KREMEN1: variants seen among roughly 807,000 people sequenced by gnomAD.
KREMEN1 encodes the protein kringle containing transmembrane protein 1.
A neutral mutation model predicts 46.5 loss-of-function variants in KREMEN1; 30 were observed. That is an observed-to-expected ratio of 0.65 (90% confidence interval 0.48 to 0.88). The LOEUF (loss-of-function observed/expected upper bound fraction) is 0.88, where lower values mean the gene tolerates loss of function less well. Ranked by LOEUF, KREMEN1 falls within the 40% of genes least tolerant of loss-of-function variation. KREMEN1 has a pLI of 0.00. For missense variants in KREMEN1, 533 were observed against 596.9 expected, an observed-to-expected ratio of 0.89 and a Z score of 1.11; for synonymous variants, 214 against 230.6, an observed-to-expected ratio of 0.93 and a Z score of 0.65.
At chr22:29,120,329 TGGAAACAGGGAGGAGGGAGAGGTGATGAA>T (rs2145810700) in intron 3 of KREMEN1, among the ~76,000 whole-genome samples, 1 of 57,968 alleles carries the variant, frequency 1.7e-5, no homozygotes, top group South Asian at 4.3e-4. Flanking sequence ...GAGGTGATGA[TGGAAACAGGGAGGAGGGAGAGGTGATGAA>T]GGAAATGGAG....
At chr22:29,162,011 G>A (rs559852451) in intron 9 of KREMEN1, among the ~76,000 whole-genome samples, 22 of 151,894 alleles carry the variant, frequency 1.4e-4, no homozygotes, top group Non-Finnish European at 2.8e-4. Flanking sequence ...CCAGCTCCTC[G>A]GGAGGCTGAG....
In KREMEN1 at chr22:29,094,293, A is replaced by G; in HGVS notation, c.133A>G (p.Thr45Ala). The G allele has an allele frequency of 1.2e-6, 2 of 1,613,826 alleles. No individual in the cohort carries two copies. Among genetic ancestry groups the G allele is most frequent in the Non-Finnish European group, 1.7e-6 (2 of 1,179,878 alleles). Residue 45 changes from threonine to alanine, a missense_variant, in exon 2 of 9, where the codon ACA (threonine) becomes GCA (alanine). Thr to Ala is a moderately conservative substitution (Grantham distance 58). Transcript: ENST00000400335. The part of the protein sequence containing the change: ...FTANGADYRG[T>A]QNWTALQGGK... Reference sequence around the variant, plus strand: ...AGCCAATGGTGCGGATTATAGGGGAACACAGAACTGGACAGCACTACAAGG... The same window carrying G: ...AGCCAATGGTGCGGATTATAGGGGAGCACAGAACTGGACAGCACTACAAGG...
intron 3 of KREMEN1, among the ~76,000 whole-genome samples, chr22:29,119,284 G>T (rs950422157): frequency 1.1e-4 from 17 of 152,228 alleles, no homozygotes; most frequent in Admixed American, 1.1e-3. Context: ...AGGAGCTTCT[G>T]TTCTTGTGGA....
In KREMEN1 at chr22:29,073,136, G is replaced by A. The variant is rs1390105202; in HGVS notation, c.6G>A (p.Ala2=). Residue 2 remains alanine (A), a synonymous_variant, in exon 1 of 9, where the codon GCG becomes GCA. Transcript: ENST00000400335. This position sits in a 1 kb window ranked among gnomAD's most constrained non-coding sequence, Gnocchi z 4.4. ...GGGCCCCGCACTGACGGCCCATGGC[G>A]CCGCCAGCCGCCCGCCTCGCCCTGC... M[A]PPAARLALLS... 1.9e-6 allele frequency: 2 copies of A among 1,074,784 alleles called. No homozygotes were observed. The highest frequency in any genetic ancestry group is 3.9e-5 in the South Asian group (1 of 25,696). 66.6% of individuals were successfully genotyped at this position (1,074,784 alleles called of 1,614,324 possible). A position where few individuals can be genotyped will look rare whatever the true frequency, so the allele number is the denominator to read the frequency against.
Position 29,145,224 on chromosome 22 carries a change from T to G in KREMEN1, c.*3112T>G. 3 of 985,622 alleles carry G rather than the reference T, an allele frequency of 3.0e-6. No homozygotes were observed. Among genetic ancestry groups the G allele is most frequent in the Non-Finnish European group, 3.6e-6 (3 of 830,024 alleles). The allele number at this position is 985,622 out of a possible 1,614,324, so 61.1% of individuals were successfully genotyped here. A position where few individuals can be genotyped will look rare whatever the true frequency, so the allele number is the denominator to read the frequency against. ...AGCATGGAGGAGGTGGCACTTGAAC[T>G]TTTAGGAAACTCCTTAGATGAGATA... On this transcript the variant is annotated 3_prime_UTR_variant, in exon 9 of 9. Coordinates refer to ENST00000400335, the MANE Select transcript of KREMEN1 (RefSeq NM_001039570.3).
At position 29,073,081 on chromosome 22, in the gene KREMEN1, G is replaced by A. The variant is rs2037494547; in HGVS notation, c.-50G>A. 3.7e-6 allele frequency: 2 copies of A among 540,526 alleles called. No individual in the cohort carries two copies. Among genetic ancestry groups the A allele is most frequent in the Non-Finnish European group, 4.7e-6 (2 of 423,774 alleles). The allele number at this position is 540,526 out of a possible 1,614,324, so 33.5% of individuals were successfully genotyped here. On this transcript the variant is annotated 5_prime_UTR_variant, in exon 1 of 9. Coordinates refer to ENST00000400335, the MANE Select transcript of KREMEN1 (RefSeq NM_001039570.3). This position sits in a 1 kb window ranked among gnomAD's most constrained non-coding sequence, Gnocchi z 4.4. Reference sequence around the variant, plus strand: ...CCCATGGCCGCCCCCGGCTCCCCGCGCTGCCCCCTTTACCCCGGGCCGCGC... The same window carrying A: ...CCCATGGCCGCCCCCGGCTCCCCGCACTGCCCCCTTTACCCCGGGCCGCGC...
intron 4 of KREMEN1, among the ~76,000 whole-genome samples, chr22:29,124,445 G>T (rs1264621651): frequency 6.6e-6 from 1 of 151,650 alleles, no homozygotes; most frequent in Admixed American, 6.6e-5. Context: ...AATTATTGGG[G>T]TAATGGAGCT....
Position 29,143,021 on chromosome 22 carries a change from G to A in KREMEN1, c.*909G>A, listed in dbSNP as rs950317930. ...AAAAATTAGTCAGGCGTGGTGGCAG[G>A]CGCCTGTAATCCCAGCTACTCAGAA... is the stretch of plus-strand genomic sequence containing the variant. On this transcript the variant is annotated 3_prime_UTR_variant, in exon 9 of 9. Coordinates refer to ENST00000400335, the MANE Select transcript of KREMEN1 (RefSeq NM_001039570.3). 3.3e-5 allele frequency: 15 copies of A among 456,778 alleles called. No individual in the cohort carries two copies. The highest frequency in any genetic ancestry group is 3.2e-4 in the African/African-American group (15 of 46,906). 28.3% of individuals were successfully genotyped at this position (456,778 alleles called of 1,614,324 possible).
At chr22:29,131,584 GTGTGTGTGTGTA>G (rs1200861410) in intron 5 of KREMEN1, among the ~76,000 whole-genome samples, 7 of 133,642 alleles carry the variant, frequency 5.2e-5, no homozygotes, top group Non-Finnish European at 9.1e-5. Flanking sequence ...GTGTGTGTGT[GTGTGTGTGTGTA>G]TATGTATATA....
intron 9 of KREMEN1, among the ~76,000 whole-genome samples, chr22:29,159,202 G>C (rs2038989482): frequency 6.8e-6 from 1 of 148,106 alleles, no homozygotes; most frequent in African/African-American, 2.5e-5. Context: ...CTGGGCTCAA[G>C]TGATCCTTCC....
At chr22:29,083,902 C>A (rs134626) in intron 1 of KREMEN1, among the ~76,000 whole-genome samples, 97,905 of 151,432 alleles carry the variant, frequency 0.65, 31,826 homozygotes, top group Middle Eastern at 0.78. Context: ...AGAAGTAAAT[C>A]AACAAAAGAA....
At chr22:29,141,849 T>C in intron 8 of KREMEN1, 95 bp from the exon 9 acceptor site, 6 of 1,002,490 alleles carry the variant, frequency 6.0e-6, no homozygotes, top group Non-Finnish European at 8.6e-6. Context: ...CCCAAGACCT[T>C]GCCCCACCCC....
chr22:29,099,319 G>A (rs2037937053), intron 3 of KREMEN1: 1 of 176,288 alleles, frequency 5.7e-6, no homozygotes, highest in Non-Finnish European at 1.2e-5. Flanking sequence ...GTGAAACTCA[G>A]TTATGGCACT....
chr22:29,131,996 C>T (rs538870604), intron 5 of KREMEN1, among the ~76,000 whole-genome samples: 11 of 149,802 alleles, frequency 7.3e-5, no homozygotes, highest in Non-Finnish European at 1.3e-4. Context: ...CCTCAGCCTC[C>T]GGAGTAGCTG....
At chr22:29,101,490 A>C (rs906764205) in intron 3 of KREMEN1, among the ~76,000 whole-genome samples, 1 of 152,212 alleles carries the variant, frequency 6.6e-6, no homozygotes, top group Non-Finnish European at 1.5e-5. Context: ...GTCTACAGTA[A>C]TGTATGGTAA....
intron 1 of KREMEN1, among the ~76,000 whole-genome samples, chr22:29,084,024 G>C (rs2037696078): frequency 6.6e-6 from 1 of 152,168 alleles, no homozygotes; most frequent in Admixed American, 6.5e-5. Context: ...TTTCCGGGAA[G>C]GGGGTGAGGA....
chr22:29,074,604 G>A (rs534737421), intron 1 of KREMEN1, among the ~76,000 whole-genome samples: 1 of 152,366 alleles, frequency 6.6e-6, no homozygotes, highest in East Asian at 1.9e-4. Context: ...GGGATGGGAA[G>A]AGTTTATTAC....
rs761197154 is a variant in KREMEN1, at chr22:29,140,171, G to T, written c.1124-111G>T. ...GGTTTGCTAGCTGCCCTCCCACACC[G>T]GCCTGCAGGGAGCCCCTCAGCCAGA... is the stretch of plus-strand genomic sequence containing the variant. On this transcript the variant is annotated intron_variant, in intron 7 of 8. Coordinates refer to ENST00000400335, the MANE Select transcript of KREMEN1 (RefSeq NM_001039570.3). 5.0e-6 allele frequency: 4 copies of T among 806,112 alleles called. No individual in the cohort carries two copies. The African/African-American group carries it at 5.1e-5, about 10-fold the overall frequency. The allele number at this position is 806,112 out of a possible 1,614,324, so 49.9% of individuals were successfully genotyped here.
chr22:29,127,459 C>G (rs1335012255), intron 5 of KREMEN1, among the ~76,000 whole-genome samples: 1 of 152,112 alleles, frequency 6.6e-6, no homozygotes, highest in Non-Finnish European at 1.5e-5. Context: ...GGAAAACAGT[C>G]TGGCCAGCCT....
Sources: gnomAD v4.1 joint callset for allele counts (sites outside exome capture counted in the v4.1 genomes callset) on GRCh38, gnomAD v4.1.1 for gene constraint, Gnocchi (gnomAD v3.1) non-coding constraint, MANE v1.5 for transcripts, NCBI Gene and HGNC (gene_info 2026-07-23, HGNC 2026-07-21) for gene names.